Variants in SASH1 observed in about 807,000 individuals in gnomAD.
The protein encoded by SASH1 is SAM and SH3 domain-containing protein 1.
In SASH1, 44 loss-of-function variants were observed where a neutral mutation model predicts 125.2. The observed-to-expected ratio is 0.35, with a 90% confidence interval of 0.28 to 0.45. SASH1 has a LOEUF of 0.45. SASH1 is among the 20% of genes least tolerant of loss of function. The pLI, the probability that SASH1 is intolerant of heterozygous loss-of-function variation, is 1.00. For synonymous variants in SASH1, 639 were observed against 649.1 expected (o/e 0.98, Z 0.24); for missense variants, 1,426 against 1,614.5 (o/e 0.88, Z 2.00).
At chr6:148,502,089 T>A (rs1332769544) in intron 8 of SASH1, among the ~76,000 whole-genome samples, 2 of 152,212 alleles carry the variant, frequency 1.3e-5, no homozygotes, top group African/African-American at 4.8e-5. Flanking sequence ...AATAAAACTA[T>A]CATGTAATTA....
chr6:148,328,321 G>A (rs1229257074), intron 1 of SASH1, among the ~76,000 whole-genome samples: 2 of 152,052 alleles, frequency 1.3e-5, no homozygotes, highest in Non-Finnish European at 2.9e-5. Context: ...TAGTGAGGCC[G>A]GGCGCGGTGG....
At chr6:148,492,141 T>G (rs774174708) in intron 8 of SASH1, among the ~76,000 whole-genome samples, 4 of 152,212 alleles carry the variant, frequency 2.6e-5, no homozygotes, top group Non-Finnish European at 5.9e-5. Context: ...ACTTTGTCCA[T>G]TCAGAGAAAC....
chr6:148,323,484 C>A (rs908413558), intron 1 of SASH1, among the ~76,000 whole-genome samples: 1 of 152,156 alleles, frequency 6.6e-6, no homozygotes, highest in African/African-American at 2.4e-5. Context: ...TGGTGATTTC[C>A]TTTATCAAAT....
Position 148,492,827 on chromosome 6 carries a change from TATAAATAAATAAATAAATAA to T in SASH1, c.729+5142_729+5161del, listed in dbSNP as rs4052629. Among the ~76,000 whole-genome samples, 995 of 145,588 alleles carry T rather than the reference TATAAATAAATAAATAAATAA, an allele frequency of 6.8e-3. 6 individuals carry two copies. Among genetic ancestry groups the T allele is most frequent in the South Asian group, 0.03 (134 of 4,494 alleles). Reference sequence around the variant, plus strand: ...TAGAGCAAGACTCTGTCTCATAAAATATAAATAAATAAATAAATAAATAAATAAATAAATAAATAAATAAA... The same window carrying T: ...TAGAGCAAGACTCTGTCTCATAAAATATAAATAAATAAATAAATAAATAAA... On this transcript the variant is annotated intron_variant, in intron 8 of 19. Transcript: ENST00000367467.
chr6:148,421,124 A>AG (rs1785043701), intron 2 of SASH1, among the ~76,000 whole-genome samples: 14 of 78,200 alleles, frequency 1.8e-4, no homozygotes, highest in African/African-American at 4.6e-4. Flanking sequence ...AAAGAAAGGA[A>AG]GAAAGGAAGG....
chr6:148,193,689 TATAAA>T, the SASH1 span, among the ~76,000 whole-genome samples: 2 of 152,236 alleles, frequency 1.3e-5, no homozygotes, highest in South Asian at 4.1e-4. Context: ...TGTGGCTTTT[TATAAA>T]ATAAGATGAA....
chr6:148,524,121 A>ATATATATATT (rs1193506716), intron 10 of SASH1, among the ~76,000 whole-genome samples: 3 of 128,604 alleles, frequency 2.3e-5, no homozygotes, highest in Non-Finnish European at 4.9e-5. Context: ...ATATATATAT[A>ATATATATATT]TTTTTTTTAA....
intron 1 of SASH1, among the ~76,000 whole-genome samples, chr6:148,317,114 A>G (rs896129143): frequency 2.0e-5 from 3 of 152,216 alleles, no homozygotes; most frequent in African/African-American, 4.8e-5. Flanking sequence ...GAAAATCTAG[A>G]GATGAATAGC....
At chr6:148,393,568 G>T in intron 2 of SASH1, 2 of 371,910 alleles carry the variant, frequency 5.4e-6, no homozygotes, top group Non-Finnish European at 7.4e-6. Context: ...TTGGAAGGCA[G>T]CTTCTAGGTA....
chr6:148,434,471 T>G (rs1044304436), intron 2 of SASH1, among the ~76,000 whole-genome samples: 3 of 151,996 alleles, frequency 2.0e-5, no homozygotes, highest in South Asian at 2.1e-4. Flanking sequence ...ACTCTCAGCG[T>G]TTTTTTTCCT....
In SASH1 at chr6:148,544,132, G is replaced by T; in HGVS notation, c.2662G>T (p.Val888Phe). Reference protein sequence around the residue: ...KAQPLEQDSAVDNALLLTQSK... With the variant: ...KAQPLEQDSAFDNALLLTQSK... ...CCAGCCCCTGGAGCAAGACTCTGCTGTCGACAATGCATTGCTACTGACCCA... is the reference window on the plus strand; with the variant it reads ...CCAGCCCCTGGAGCAAGACTCTGCTTTCGACAATGCATTGCTACTGACCCA... Residue 888 changes from valine to phenylalanine, a missense_variant, in exon 18 of 20, where the codon GTC (valine) becomes TTC (phenylalanine). Physicochemically the swap from Val to Phe is conservative, Grantham distance 50. Transcript: ENST00000367467. This position sits in a 1 kb window ranked among gnomAD's most constrained non-coding sequence, Gnocchi z 6.4. 6.2e-7 allele frequency: 1 copy of T among 1,614,088 alleles called. No homozygotes were observed. Among genetic ancestry groups the T allele is most frequent in the Non-Finnish European group, 8.5e-7 (1 of 1,180,004 alleles).
In SASH1 at chr6:148,314,977, C is replaced by T. The variant is rs546961080; in HGVS notation, n.74+42600C>T. ...TTCACCATGTTGGTCAGGCTGGTCTCGAACTCCTGATCTCAGGTGATCCGC... is the reference window on the plus strand; with the variant it reads ...TTCACCATGTTGGTCAGGCTGGTCTTGAACTCCTGATCTCAGGTGATCCGC... On this transcript the variant is annotated intron_variant and non_coding_transcript_variant, in intron 1 of 3. Transcript: ENST00000367469. Among the ~76,000 whole-genome samples, 22 of 152,092 alleles carry T rather than the reference C, an allele frequency of 1.4e-4. No individual in the cohort carries two copies. The South Asian group carries it at 4.4e-3, about 30-fold the overall frequency.
chr6:148,462,274 C>T (rs1433305501), intron 4 of SASH1, among the ~76,000 whole-genome samples: 1 of 151,852 alleles, frequency 6.6e-6, no homozygotes, highest in Non-Finnish European at 1.5e-5. Flanking sequence ...AGGTTATAAC[C>T]ACTTTCCTTT....
Position 148,533,872 on chromosome 6 carries a change from G to C in SASH1, c.1836G>C (p.Val612=), listed in dbSNP as rs116006727. The C allele has an allele frequency of 1.0e-3, 1,653 of 1,614,096 alleles. 11 individuals are homozygous for C. The African/African-American group carries it at 0.02, about 19-fold the overall frequency. The change falls in exon 15 of 20, where the codon GTG becomes GTC. Residue 612 remains valine, a synonymous_variant. Coordinates refer to ENST00000367467, the MANE Select transcript of SASH1 (RefSeq NM_015278.5). This position sits in a 1 kb window ranked among gnomAD's most constrained non-coding sequence, Gnocchi z 6.2. ...CGTTCAAGTTCATCTACGTGGACGT[G>C]CTCAGTGAAGACGAGGAGAAACCCA... ...VGTFKFIYVD[V]LSEDEEKPKR...
At chr6:148,427,998 C>T (rs1484440628) in intron 2 of SASH1, among the ~76,000 whole-genome samples, 1 of 152,204 alleles carries the variant, frequency 6.6e-6, no homozygotes, top group African/African-American at 2.4e-5. Flanking sequence ...TGTGTTATCT[C>T]TGCCAGAAGC....
chr6:148,547,697 A>G (rs748508432), intron 19 of SASH1, among the ~76,000 whole-genome samples: 1 of 152,202 alleles, frequency 6.6e-6, no homozygotes, highest in Non-Finnish European at 1.5e-5. Context: ...ATAAAATCCC[A>G]AAGATTTTCA....
intron 1 of SASH1, among the ~76,000 whole-genome samples, chr6:148,343,744 T>G (rs1159822188): frequency 1.3e-5 from 2 of 152,240 alleles, no homozygotes; most frequent in African/African-American, 2.4e-5. Flanking sequence ...ACAATAGGAC[T>G]TATTTTGCTA....
Position 148,398,656 on chromosome 6 carries a change from C to T in SASH1, c.285+8394C>T, listed in dbSNP as rs1329599844. Reference sequence around the variant, plus strand: ...ATCCTGAGTTATCCTGCTGAAGCCCCGTTGTTTCTCTAAATGGCATTAGTT... The same window carrying T: ...ATCCTGAGTTATCCTGCTGAAGCCCTGTTGTTTCTCTAAATGGCATTAGTT... On this transcript the variant is annotated intron_variant, in intron 2 of 19. Transcript: ENST00000367467. Among the ~76,000 whole-genome samples, 9 of 152,236 alleles carry T rather than the reference C, an allele frequency of 5.9e-5. No individual in the cohort carries two copies. The East Asian group carries it at 1.3e-3, about 23-fold the overall frequency.
rs74696430 is a variant in SASH1, at chr6:148,311,933, C to T, written n.74+39556C>T. On this transcript the variant is annotated intron_variant and non_coding_transcript_variant, in intron 1 of 3. Coordinates refer to the SASH1 transcript ENST00000367469. ...GGTAAACAGGTAAACTCTGGTACAT[C>T]CCCACAGTGGAATACGGCTCAGCAA... Among the ~76,000 whole-genome samples the T allele has an allele frequency of 4.5e-3, 688 of 152,266 alleles. 5 individuals carry two copies. Among genetic ancestry groups the T allele is most frequent in the African/African-American group, 0.015 (635 of 41,540 alleles).
Sources: gnomAD v4.1 joint callset for allele counts (sites outside exome capture counted in the v4.1 genomes callset) on GRCh38, gnomAD v4.1.1 for gene constraint, Gnocchi (gnomAD v3.1) non-coding constraint, MANE v1.5 for transcripts, NCBI Gene and HGNC (gene_info 2026-07-23, HGNC 2026-07-21) for gene names.